Variants in ANKS1B observed in about 807,000 individuals in gnomAD.
The protein encoded by ANKS1B is ankyrin repeat and sterile alpha motif domain containing 1B.
Under a neutral mutation model 148.3 loss-of-function variants are expected in ANKS1B, and 36 were observed. That is an observed-to-expected ratio of 0.24 (90% CI 0.19 to 0.32). The LOEUF is 0.32. Ranked by LOEUF, ANKS1B falls within the 10% of genes least tolerant of loss-of-function variation. The pLI, the probability that ANKS1B is intolerant of heterozygous loss-of-function variation, is 1.00. For missense variants in ANKS1B, 1,157 were observed against 1,542.6 expected (o/e 0.75, Z 4.19); for synonymous variants, 542 against 560.8 (o/e 0.97, Z 0.47).
At chr12:98,856,528 TAACA>T (rs1014639575) in intron 17 of ANKS1B, among the ~76,000 whole-genome samples, 11 of 152,236 alleles carry the variant, frequency 7.2e-5, no homozygotes, top group Admixed American at 6.5e-4. Flanking sequence ...ACTGATTTGT[TAACA>T]AACAGATGAT....
intron 24 of ANKS1B, 112 bp downstream of exon 24, chr12:98,781,005 G>GA: frequency 1.5e-6 from 1 of 653,142 alleles, no homozygotes; most frequent in Middle Eastern, 4.2e-4. Context: ...AAGGTTGGGG[G>GA]AAAGGGATGA....
intron 25 of ANKS1B, among the ~76,000 whole-genome samples, chr12:98,755,442 G>A (rs2098214529): frequency 6.6e-6 from 1 of 152,176 alleles, no homozygotes; most frequent in Non-Finnish European, 1.5e-5. Flanking sequence ...CTGCAACTGT[G>A]GGGAGGCCAA....
At chr12:98,741,048 C>A (rs2097796060), downstream of ANKS1B, among the ~76,000 whole-genome samples, 1 of 152,192 alleles carries the variant, frequency 6.6e-6, no homozygotes, top group Non-Finnish European at 1.5e-5. Context: ...AATTCCAGCT[C>A]TGTACTGCCT....
intron 8 of ANKS1B, among the ~76,000 whole-genome samples, chr12:99,747,742 C>A (rs963411552): frequency 1.3e-5 from 2 of 152,136 alleles, no homozygotes; most frequent in African/African-American, 4.8e-5. Flanking sequence ...CTAGAATGCT[C>A]TCCTTTCTCT....
At position 99,584,620 on chromosome 12, in the gene ANKS1B, C is replaced by T. The variant is rs192324125; in HGVS notation, c.1272+70447G>A. ...TTGAGAGAGAAATATATATATATAT[C>T]TGTTCTCACGCTGCTAATTAAGATA... is the stretch of plus-strand genomic sequence containing the variant. On this transcript the variant is annotated intron_variant, in intron 9 of 26. Transcript: ENST00000683438. Among the ~76,000 whole-genome samples, 265 of 151,260 alleles carry T rather than the reference C, an allele frequency of 1.8e-3. 2 individuals carry two copies. Among genetic ancestry groups the T allele is most frequent in the African/African-American group, 6.2e-3 (254 of 40,714 alleles).
chr12:98,987,142 T>C (rs922707261), intron 17 of ANKS1B, among the ~76,000 whole-genome samples: 3 of 151,916 alleles, frequency 2.0e-5, no homozygotes, highest in African/African-American at 7.3e-5. Context: ...GATACACATG[T>C]TTTTGTGTCA....
chr12:99,778,883 AT>A (rs1253294417), intron 6 of ANKS1B, among the ~76,000 whole-genome samples: 5 of 152,040 alleles, frequency 3.3e-5, no homozygotes, highest in African/African-American at 1.2e-4. Context: ...GTTTTAATTC[AT>A]TTATCTCCCT....
chr12:98,868,174 A>C (rs1276599660), intron 17 of ANKS1B, among the ~76,000 whole-genome samples: 2 of 152,184 alleles, frequency 1.3e-5, no homozygotes, highest in Non-Finnish European at 2.9e-5. Flanking sequence ...GAAGGAGAAA[A>C]GTCTAGACTC....
chr12:98,962,750 AC>A (rs1214544790), intron 17 of ANKS1B, among the ~76,000 whole-genome samples: 2 of 152,222 alleles, frequency 1.3e-5, no homozygotes, highest in Non-Finnish European at 2.9e-5. Context: ...ATCTTCTCTG[AC>A]CACAATGGAA....
intron 12 of ANKS1B, among the ~76,000 whole-genome samples, chr12:99,372,987 T>C (rs949078000): frequency 6.6e-6 from 1 of 152,188 alleles, no homozygotes; most frequent in African/African-American, 2.4e-5. Flanking sequence ...CAAGGGTCTA[T>C]ATTAAAAGCA....
intron 12 of ANKS1B, among the ~76,000 whole-genome samples, chr12:99,269,264 G>A (rs1463849111): frequency 6.6e-6 from 1 of 152,020 alleles, no homozygotes; most frequent in Non-Finnish European, 1.5e-5. Flanking sequence ...TTATTTTCCT[G>A]TTTTAAATAT....
intron 24 of ANKS1B, among the ~76,000 whole-genome samples, chr12:98,776,581 A>T (rs929233385): frequency 2.6e-5 from 4 of 152,178 alleles, no homozygotes; most frequent in African/African-American, 9.7e-5. Flanking sequence ...GTAGGACAGG[A>T]TTCTCGGGTC....
intron 9 of ANKS1B, among the ~76,000 whole-genome samples, chr12:99,532,430 G>A (rs549526744): frequency 6.6e-6 from 1 of 152,056 alleles, no homozygotes; most frequent in Non-Finnish European, 1.5e-5. Context: ...GCCCGATCTC[G>A]GCTCCCTGCA....
In ANKS1B at chr12:99,525,035, C is replaced by A. The variant is rs1413985599; in HGVS notation, c.1273-20394G>T. ...TCCCTAGAGCCTCCAGAAAGGAAAG[C>A]AGCCCTTTCTATATTTTCGACTGGT... On this transcript the variant is annotated intron_variant, in intron 9 of 26. Coordinates refer to ENST00000683438, the MANE Select transcript of ANKS1B (RefSeq NM_001352186.2). 3.9e-5 allele frequency among the ~76,000 whole-genome samples: 6 copies of A among 152,300 alleles called. No homozygotes were observed. The East Asian group carries it at 7.7e-4, about 20-fold the overall frequency.
chr12:99,269,841 G>T (rs1299017117), intron 12 of ANKS1B, among the ~76,000 whole-genome samples: 1 of 152,192 alleles, frequency 6.6e-6, no homozygotes, highest in Non-Finnish European at 1.5e-5. Context: ...TTACAGGCGT[G>T]AGCCACTGCA....
Position 99,550,351 on chromosome 12 carries a change from C to T in ANKS1B, c.1273-45710G>A, listed in dbSNP as rs74240141. Among the ~76,000 whole-genome samples, 732 of 152,216 alleles carry T rather than the reference C, an allele frequency of 4.8e-3. 33 individuals are homozygous for T. In the South Asian group the frequency reaches 0.065, roughly 13 times the overall value. On this transcript the variant is annotated intron_variant, in intron 9 of 26. Coordinates refer to ENST00000683438, the MANE Select transcript of ANKS1B (RefSeq NM_001352186.2). ...TTTAGTCAAAATTTCCAATCAAGCGCGGTGGCTTAGGCCTGTAATCCCAAC... is the reference window on the plus strand; with the variant it reads ...TTTAGTCAAAATTTCCAATCAAGCGTGGTGGCTTAGGCCTGTAATCCCAAC...
intron 17 of ANKS1B, among the ~76,000 whole-genome samples, chr12:99,030,733 T>C (rs1249291889): frequency 6.6e-6 from 1 of 152,242 alleles, no homozygotes; most frequent in East Asian, 1.9e-4. Context: ...AAATTCTTAC[T>C]CACCAGTTGT....
At chr12:99,659,402 AT>A (rs1399485649) in intron 8 of ANKS1B, among the ~76,000 whole-genome samples, 1 of 89,932 alleles carries the variant, frequency 1.1e-5, no homozygotes, top group Non-Finnish European at 2.0e-5. Context: ...AAATTCTACT[AT>A]AAAAAAAAAT....
chr12:99,788,401 C>A (rs918521523), intron 4 of ANKS1B, among the ~76,000 whole-genome samples: 1 of 152,120 alleles, frequency 6.6e-6, no homozygotes, highest in Non-Finnish European at 1.5e-5. Flanking sequence ...AAGGAAAGAA[C>A]CCAGTCCTGG....
Sources: gnomAD v4.1 joint callset for allele counts (sites outside exome capture counted in the v4.1 genomes callset) on GRCh38, gnomAD v4.1.1 for gene constraint, MANE v1.5 for transcripts, NCBI Gene and HGNC (gene_info 2026-07-23, HGNC 2026-07-21) for gene names.